The following COL23A1 variants were observed in gnomAD, a reference collection of about 807,000 sequenced individuals.
The protein encoded by COL23A1 is collagen alpha-1(XXIII) chain.
COL23A1 carries 97 observed loss-of-function variants against 99.3 expected under a neutral mutation model. The ratio of observed to expected loss-of-function variants is 0.98; its 90% CI spans 0.83 to 1.16. The LOEUF (loss-of-function observed/expected upper bound fraction) is 1.16, where lower values mean the gene tolerates loss of function less well. Among genes scored for constraint, COL23A1 ranks in the 50% most tolerant of loss-of-function variants. The pLI is 0.00. For synonymous variants in COL23A1, 320 were observed against 308.2 expected, an observed-to-expected ratio of 1.04 and a Z score of -0.40; for missense variants, 762 against 757.4, an observed-to-expected ratio of 1.01 and a Z score of -0.07.
At chr5:178,298,293 G>C (rs965268084) in intron 3 of COL23A1, among the ~76,000 whole-genome samples, 2 of 152,170 alleles carry the variant, frequency 1.3e-5, no homozygotes, top group Admixed American at 6.5e-5. Flanking sequence ...TTAGGAGCAG[G>C]TGGGCAAGCT....
intron 2 of COL23A1, among the ~76,000 whole-genome samples, chr5:178,328,621 A>G (rs2127640918): frequency 6.6e-6 from 1 of 152,350 alleles, no homozygotes; most frequent in South Asian, 2.1e-4. Flanking sequence ...ACTATGCTTC[A>G]GAAAGGAAGG....
rs186155698 is a variant in COL23A1, at chr5:178,341,397, C to T, written c.362-34478G>A. On this transcript the variant is annotated intron_variant, in intron 2 of 28. Coordinates refer to ENST00000390654, the MANE Select transcript of COL23A1 (RefSeq NM_173465.4). ...GTTGAGGCCTCCCATGCAGGGCACA[C>T]TTTGGTGGCCCTCTCCCGGACCCCT... Among the ~76,000 whole-genome samples the T allele has an allele frequency of 1.5e-3, 232 of 152,294 alleles. 2 individuals are homozygous for T. Among genetic ancestry groups the T allele is most frequent in the African/African-American group, 5.4e-3 (223 of 41,556 alleles).
At chr5:178,498,235 T>C (rs1412304281) in intron 2 of COL23A1, among the ~76,000 whole-genome samples, 27 of 54,162 alleles carry the variant, frequency 5.0e-4, no homozygotes, top group African/African-American at 3.0e-3. Flanking sequence ...TATATATATA[T>C]ATATATATAT....
At position 178,405,080 on chromosome 5, in the gene COL23A1, T is replaced by C. The variant is rs1764685023; in HGVS notation, c.362-98161A>G. Among the ~76,000 whole-genome samples the C allele has an allele frequency of 2.6e-5, 4 of 152,228 alleles. No homozygotes were observed. In the South Asian group the frequency reaches 6.2e-4, roughly 24 times the overall value. ...GGCCAGGTGACCCCCTAAGCATCCC[T>C]TGGAGCCCATCTCTACCTCCCGCAT... On this transcript the variant is annotated intron_variant, in intron 2 of 28. Transcript: ENST00000390654.
chr5:178,330,311 C>T (rs111634038), intron 2 of COL23A1, among the ~76,000 whole-genome samples: 3 of 152,346 alleles, frequency 2.0e-5, no homozygotes, highest in African/African-American at 7.2e-5. Context: ...TGTGGTGTTA[C>T]TCCCTCCTGA....
At chr5:178,273,600 G>A (rs1756416691) in intron 5 of COL23A1, among the ~76,000 whole-genome samples, 1 of 152,224 alleles carries the variant, frequency 6.6e-6, no homozygotes, top group African/African-American at 2.4e-5. Context: ...CCAATTCTCG[G>A]AAGCCGAGCC....
chr5:178,352,329 G>C (rs186786724), intron 2 of COL23A1: 1 of 152,298 alleles, frequency 6.6e-6, no homozygotes, highest in Admixed American at 6.5e-5. Flanking sequence ...GACCACTTTT[G>C]AAATTTGCAA....
At chr5:178,241,971 A>C in intron 27 of COL23A1, 71 bp downstream of exon 27, 1 of 1,190,038 alleles carries the variant, frequency 8.4e-7, no homozygotes, top group South Asian at 1.4e-5. Flanking sequence ...TTCCGAGGAC[A>C]GGGAAGATGT....
chr5:178,510,280 G>A (rs753548094), intron 2 of COL23A1, among the ~76,000 whole-genome samples: 6 of 152,206 alleles, frequency 3.9e-5, no homozygotes, highest in African/African-American at 1.4e-4. Context: ...GGTGGCTCAC[G>A]CCTGTAATCC....
chr5:178,259,850 C>T (rs568218797), intron 11 of COL23A1, 103 bp from the exon 12 acceptor site: 202 of 1,114,528 alleles, frequency 1.8e-4, no homozygotes, highest in African/African-American at 1.5e-3. Context: ...ACTGATGACC[C>T]GTGCCCAGGG....
rs151255221 is a variant in COL23A1, at chr5:178,398,270, G to A, written c.362-91351C>T. 1.4e-3 allele frequency among the ~76,000 whole-genome samples: 206 copies of A among 152,312 alleles called. 1 individual carries two copies. The highest frequency in any genetic ancestry group is 4.7e-3 in the African/African-American group (196 of 41,554). ...GCGTTCAGATGTGAACAGTCTTCAT[G>A]TGCTTTCACACGTTTATTTGTAAAA... On this transcript the variant is annotated intron_variant, in intron 2 of 28. Coordinates refer to ENST00000390654, the MANE Select transcript of COL23A1 (RefSeq NM_173465.4).
chr5:178,251,583 A>T (rs1765031728), intron 17 of COL23A1, among the ~76,000 whole-genome samples: 1 of 152,192 alleles, frequency 6.6e-6, no homozygotes, highest in Non-Finnish European at 1.5e-5. Context: ...TTATAGCTTT[A>T]AAAAAAGTTT....
chr5:178,551,577 C>T (rs1283097223), intron 2 of COL23A1, among the ~76,000 whole-genome samples: 1 of 152,174 alleles, frequency 6.6e-6, no homozygotes, highest in Non-Finnish European at 1.5e-5. Context: ...CTCCTGTGCC[C>T]ACCCACCCAG....
intron 2 of COL23A1, among the ~76,000 whole-genome samples, chr5:178,325,518 T>G: frequency 6.6e-6 from 1 of 151,182 alleles, no homozygotes; most frequent in Non-Finnish European, 1.5e-5. Flanking sequence ...AAACTCCTAC[T>G]CATCCTACAA....
chr5:178,470,101 C>T lies in COL23A1; in HGVS notation c.361+90581G>A, dbSNP rs184352052. Among the ~76,000 whole-genome samples, 7 of 152,356 alleles carry T rather than the reference C, an allele frequency of 4.6e-5. No homozygotes were observed. In the East Asian group the frequency reaches 1.4e-3, roughly 29 times the overall value. Reference sequence around the variant, plus strand: ...ATCTCCATATCCAGACACTGAGAGGCTCAGCCTGCAGACATCTGCCTAACA... The same window carrying T: ...ATCTCCATATCCAGACACTGAGAGGTTCAGCCTGCAGACATCTGCCTAACA... On this transcript the variant is annotated intron_variant, in intron 2 of 28. Coordinates refer to ENST00000390654, the MANE Select transcript of COL23A1 (RefSeq NM_173465.4).
chr5:178,538,835 C>T (rs1761122829), intron 2 of COL23A1, among the ~76,000 whole-genome samples: 1 of 152,148 alleles, frequency 6.6e-6, no homozygotes, highest in Admixed American at 6.5e-5. Context: ...TGTCCATCAA[C>T]TGATGAAAGG....
chr5:178,442,164 T>C (rs1766906431), intron 2 of COL23A1, among the ~76,000 whole-genome samples: 1 of 147,632 alleles, frequency 6.8e-6, no homozygotes, highest in Non-Finnish European at 1.5e-5. Context: ...CCCAGATGAT[T>C]AAAAAAAAAA....
At chr5:178,369,304 T>C (rs2127719170) in intron 2 of COL23A1, among the ~76,000 whole-genome samples, 1 of 152,226 alleles carries the variant, frequency 6.6e-6, no homozygotes, top group Non-Finnish European at 1.5e-5. Flanking sequence ...TTGTTCAGAC[T>C]CCTCTGGCTC....
At chr5:178,394,724 C>G (rs13435983) in intron 2 of COL23A1, among the ~76,000 whole-genome samples, 1 of 152,024 alleles carries the variant, frequency 6.6e-6, no homozygotes, top group Non-Finnish European at 1.5e-5. Context: ...GAAACTGAGG[C>G]CCAGAGAGAT....
Sources: gnomAD v4.1 joint callset for allele counts (sites outside exome capture counted in the v4.1 genomes callset) on GRCh38, gnomAD v4.1.1 for gene constraint, MANE v1.5 for transcripts, NCBI Gene and HGNC (gene_info 2026-07-23, HGNC 2026-07-21) for gene names.